Variants in WDR70 observed in about 807,000 individuals in gnomAD.
WDR70 encodes the protein WD repeat-containing protein 70.
WDR70 carries 53 observed loss-of-function variants against 88.6 expected under a neutral mutation model. That is an observed-to-expected ratio of 0.60 (90% CI 0.48 to 0.75). The LOEUF is 0.75. Among genes scored for constraint, WDR70 ranks in the 30% least tolerant of loss-of-function variants. The pLI is 0.00. For synonymous variants in WDR70, 280 were observed against 270.0 expected (o/e 1.04, Z -0.36); for missense variants, 610 against 823.2 (o/e 0.74, Z 3.17).
At chr5:37,463,281 A>G (rs938974194) in intron 7 of WDR70, among the ~76,000 whole-genome samples, 2 of 152,046 alleles carry the variant, frequency 1.3e-5, no homozygotes, top group Non-Finnish European at 2.9e-5. Flanking sequence ...CGAAAAAAAA[A>G]AAAAGACTGA....
At chr5:37,423,680 C>T (rs1255622680) in intron 5 of WDR70, among the ~76,000 whole-genome samples, 2 of 149,442 alleles carry the variant, frequency 1.3e-5, no homozygotes, top group East Asian at 4.0e-4. Flanking sequence ...TTGCCTGCCT[C>T]AGCTTCCCAG....
chr5:37,444,319 A>C (rs1487700770), intron 7 of WDR70, among the ~76,000 whole-genome samples: 1 of 148,852 alleles, frequency 6.7e-6, no homozygotes, highest in Non-Finnish European at 1.5e-5. Flanking sequence ...ATGTTGCTAC[A>C]ATGAGCCAGC....
At chr5:37,387,095 G>C (rs1561832628) in intron 3 of WDR70, among the ~76,000 whole-genome samples, 2 of 130,196 alleles carry the variant, frequency 1.5e-5, no homozygotes, top group Admixed American at 7.2e-5. Context: ...GCAAAACTCT[G>C]TCTAAAAAAA....
At chr5:37,525,723 T>A (rs1741246431) in intron 9 of WDR70, among the ~76,000 whole-genome samples, 1 of 152,086 alleles carries the variant, frequency 6.6e-6, no homozygotes, top group Admixed American at 6.6e-5. Context: ...ATAAAATTGA[T>A]AGACTGCAAG....
intron 9 of WDR70, among the ~76,000 whole-genome samples, chr5:37,532,664 C>T (rs1741532297): frequency 6.6e-6 from 1 of 152,078 alleles, no homozygotes; most frequent in African/African-American, 2.4e-5. Context: ...CCTTTCCTAT[C>T]CTGTATCATG....
chr5:37,436,995 A>G (rs1403330881), intron 5 of WDR70, among the ~76,000 whole-genome samples: 1 of 152,132 alleles, frequency 6.6e-6, no homozygotes, highest in Admixed American at 6.6e-5. Flanking sequence ...TCTGATTTAA[A>G]TGATCACTGT....
chr5:37,506,837 G>T, intron 8 of WDR70: 1 of 1,280,370 alleles, frequency 7.8e-7, no homozygotes. Context: ...CTGCTGTTCA[G>T]GAACAGGGTC....
At chr5:37,441,706 T>G (rs1357853951) in intron 6 of WDR70, among the ~76,000 whole-genome samples, 2 of 151,892 alleles carry the variant, frequency 1.3e-5, no homozygotes, top group African/African-American at 2.4e-5. Context: ...TCATCCCAGC[T>G]ACTTAGGAGG....
chr5:37,664,581 C>T (rs1373223464), intron 10 of WDR70, among the ~76,000 whole-genome samples: 1 of 152,230 alleles, frequency 6.6e-6, no homozygotes, highest in Non-Finnish European at 1.5e-5. Flanking sequence ...TAATATTATA[C>T]TACCATGATA....
chr5:37,463,142 C>A (rs563041105), intron 7 of WDR70, among the ~76,000 whole-genome samples: 2 of 152,000 alleles, frequency 1.3e-5, no homozygotes, highest in Non-Finnish European at 2.9e-5. Flanking sequence ...CATGGTGGCA[C>A]GCACCTGTAA....
At chr5:37,687,940 G>A (rs756517994) in intron 10 of WDR70, 1 of 694,920 alleles carries the variant, frequency 1.4e-6, no homozygotes, top group Non-Finnish European at 2.6e-6. Context: ...ATATGGAACT[G>A]TCTGCATGCT....
intron 7 of WDR70, among the ~76,000 whole-genome samples, chr5:37,472,646 G>A (rs543473054): frequency 2.2e-4 from 33 of 151,950 alleles, no homozygotes; most frequent in Non-Finnish European, 1.9e-4. Context: ...ACAGACACCC[G>A]CCTCCATGCC....
chr5:37,519,555 C>G (rs1010004007), intron 9 of WDR70, among the ~76,000 whole-genome samples: 5 of 149,028 alleles, frequency 3.4e-5, no homozygotes, highest in Non-Finnish European at 5.9e-5. Context: ...GGAGGCGCTC[C>G]TCACCTCCCA....
intron 9 of WDR70, among the ~76,000 whole-genome samples, chr5:37,564,773 G>C (rs1318533011): frequency 6.6e-6 from 1 of 152,166 alleles, no homozygotes. Context: ...TAAAATTCAT[G>C]ATATCAAAAA....
At chr5:37,421,155 C>T (rs1047813143) in intron 5 of WDR70, among the ~76,000 whole-genome samples, 1 of 152,138 alleles carries the variant, frequency 6.6e-6, no homozygotes, top group African/African-American at 2.4e-5. Flanking sequence ...TGGTAAATGG[C>T]GGAGTCAGGT....
chr5:37,399,260 A>T (rs1351091278), intron 5 of WDR70, among the ~76,000 whole-genome samples: 1 of 152,196 alleles, frequency 6.6e-6, no homozygotes, highest in East Asian at 1.9e-4. Context: ...TCTGGGTGAC[A>T]GAGCGAGACT....
chr5:37,537,748 A>G (rs1741706062), intron 9 of WDR70, among the ~76,000 whole-genome samples: 1 of 152,180 alleles, frequency 6.6e-6, no homozygotes, highest in African/African-American at 2.4e-5. Flanking sequence ...TCAAATGAAT[A>G]TTTTACCACA....
At chr5:37,554,784 A>G (rs1208927868) in intron 9 of WDR70, among the ~76,000 whole-genome samples, 3 of 152,040 alleles carry the variant, frequency 2.0e-5, no homozygotes, top group Non-Finnish European at 2.9e-5. Flanking sequence ...ATAGTGCACT[A>G]CAGCCTCAAA....
At chr5:37,620,626 T>G (rs1744482855) in intron 10 of WDR70, among the ~76,000 whole-genome samples, 1 of 152,198 alleles carries the variant, frequency 6.6e-6, no homozygotes, top group African/African-American at 2.4e-5. Flanking sequence ...CATTTTTTTT[T>G]GTATCCCGAT....
Sources: gnomAD v4.1 joint callset for allele counts (sites outside exome capture counted in the v4.1 genomes callset) on GRCh38, gnomAD v4.1.1 for gene constraint, MANE v1.5 for transcripts, NCBI Gene and HGNC (gene_info 2026-07-23, HGNC 2026-07-21) for gene names.